AMD1: variants seen among roughly 807,000 people sequenced by gnomAD.
AMD1 encodes the protein S-adenosylmethionine decarboxylase proenzyme.
A neutral mutation model predicts 40.2 loss-of-function variants in AMD1; 11 were observed. The observed-to-expected ratio is 0.27, with a 90% confidence interval of 0.17 to 0.45. AMD1 has a LOEUF of 0.45. Ranked by LOEUF, AMD1 falls within the 20% of genes least tolerant of loss-of-function variation. The pLI is 1.00. For synonymous variants in AMD1, 121 were observed against 130.8 expected (o/e 0.93, Z 0.51); for missense variants, 257 against 410.2 (o/e 0.63, Z 3.23).
At chr6:110,814,795 G>T in the AMD1 span, 48 of 687,590 alleles carry the variant, frequency 7.0e-5, no homozygotes, top group South Asian at 7.0e-4. Flanking sequence ...CTCGGACCGG[G>T]CTGCGCCGCG....
the AMD1 span, among the ~76,000 whole-genome samples, chr6:110,839,426 A>G: frequency 6.6e-6 from 1 of 152,140 alleles, no homozygotes; most frequent in Non-Finnish European, 1.5e-5. Context: ...GCTTTTCCCC[A>G]TAAACTAAGC....
At chr6:110,816,320 T>C in the AMD1 span, among the ~76,000 whole-genome samples, 178 of 152,316 alleles carry the variant, frequency 1.2e-3, no homozygotes, top group Non-Finnish European at 2.0e-3. Flanking sequence ...CTATGCATGA[T>C]GTGAGGTTCT....
the AMD1 span, among the ~76,000 whole-genome samples, chr6:110,820,339 C>T: frequency 6.6e-6 from 1 of 151,326 alleles, no homozygotes; most frequent in African/African-American, 2.4e-5. Context: ...CAGGTTCAAG[C>T]GATTCTCCTG....
the AMD1 span, chr6:110,864,527 G>A: frequency 3.3e-5 from 5 of 152,504 alleles, no homozygotes; most frequent in African/African-American, 4.8e-5. Flanking sequence ...ATCTTACTAT[G>A]AGCAGTAAAC....
chr6:110,843,802 G>T, the AMD1 span, among the ~76,000 whole-genome samples: 1 of 151,976 alleles, frequency 6.6e-6, no homozygotes, highest in Non-Finnish European at 1.5e-5. Context: ...TTGCCATGCT[G>T]GTCTCAAACT....
At chr6:110,828,063 A>G in the AMD1 span, among the ~76,000 whole-genome samples, 7 of 152,240 alleles carry the variant, frequency 4.6e-5, no homozygotes, top group African/African-American at 1.7e-4. Flanking sequence ...AGCTGATGTT[A>G]ATTTCACAGA....
intron 1 of AMD1, among the ~76,000 whole-genome samples, chr6:110,878,237 G>A (rs901408215): frequency 3.9e-5 from 6 of 152,020 alleles, no homozygotes; most frequent in African/African-American, 7.2e-5. Flanking sequence ...TCTCCTACAC[G>A]ATATTTACCT....
chr6:110,818,278 AT>A, the AMD1 span, among the ~76,000 whole-genome samples: 2 of 152,138 alleles, frequency 1.3e-5, no homozygotes, highest in African/African-American at 2.4e-5. Flanking sequence ...TTGCAAGTAG[AT>A]TTTTAAAGGC....
chr6:110,839,960 C>G, the AMD1 span, among the ~76,000 whole-genome samples: 2 of 151,322 alleles, frequency 1.3e-5, no homozygotes, highest in African/African-American at 4.9e-5. Flanking sequence ...TAATTAATAT[C>G]ACCCCCATAT....
the AMD1 span, among the ~76,000 whole-genome samples, chr6:110,820,879 A>G: frequency 6.6e-6 from 1 of 152,160 alleles, no homozygotes; most frequent in Non-Finnish European, 1.5e-5. Context: ...AGATCGTGCC[A>G]CAGCACTCCA....
Position 110,875,153 on chromosome 6 carries a change from T to C in AMD1, c.48T>C (p.Val16=). The change falls in exon 1 of 9, where the codon GTT becomes GTC. Residue 16 remains valine, a synonymous_variant. Transcript: ENST00000368885. ...FFEGTEKLLE[V]WFSRQQPDAN... ...AAGGGACCGAGAAGCTGCTGGAGGT[T>C]TGGTTCTCCCGGCAGCAGCCCGACG... 1 of 1,613,394 alleles carries C rather than the reference T, an allele frequency of 6.2e-7. No homozygotes were observed. Among genetic ancestry groups the C allele is most frequent in the East Asian group, 2.2e-5 (1 of 44,820 alleles).
At chr6:110,838,693 T>G in the AMD1 span, among the ~76,000 whole-genome samples, 26 of 152,164 alleles carry the variant, frequency 1.7e-4, no homozygotes, top group African/African-American at 6.3e-4. Context: ...ACCCTGACTC[T>G]ACTGAAAATA....
chr6:110,825,247 G>T, the AMD1 span, among the ~76,000 whole-genome samples: 1 of 152,108 alleles, frequency 6.6e-6, no homozygotes, highest in African/African-American at 2.4e-5. Context: ...ATATGAATGT[G>T]GTCCTCTTTC....
At chr6:110,892,471 T>A in intron 6 of AMD1, 28 bp downstream of exon 6, 1 of 1,610,036 alleles carries the variant, frequency 6.2e-7, no homozygotes, top group South Asian at 1.1e-5. Context: ...TAATTGTTGC[T>A]GGACTCTTCT....
At chr6:110,827,983 T>A in the AMD1 span, among the ~76,000 whole-genome samples, 45 of 152,290 alleles carry the variant, frequency 3.0e-4, no homozygotes, top group East Asian at 5.0e-3. Flanking sequence ...TTGAATGTCT[T>A]CAAATGTATA....
At chr6:110,888,752 A>G in intron 2 of AMD1, 105 bp from the exon 3 acceptor site, 1 of 1,173,582 alleles carries the variant, frequency 8.5e-7, no homozygotes, top group Non-Finnish European at 1.2e-6. Context: ...AGATCCTAAT[A>G]TTTAAAAGTA....
intron 4 of AMD1, 52 bp downstream of exon 4, chr6:110,890,408 A>G (rs1309704225): frequency 1.6e-6 from 2 of 1,258,660 alleles, no homozygotes; most frequent in Non-Finnish European, 2.3e-6. Context: ...TAGAAAGTGC[A>G]ACCTCAGAGA....
intron 1 of AMD1, among the ~76,000 whole-genome samples, chr6:110,882,701 AG>A (rs1785475576): frequency 6.6e-6 from 1 of 152,160 alleles, no homozygotes; most frequent in Non-Finnish European, 1.5e-5. Context: ...TGTTTGTCCT[AG>A]GTTGCTTAAA....
At chr6:110,854,545 T>C in the AMD1 span, among the ~76,000 whole-genome samples, 1 of 151,798 alleles carries the variant, frequency 6.6e-6, no homozygotes, top group African/African-American at 2.4e-5. Flanking sequence ...GCCTCCCGGG[T>C]TCAAACGATT....
Sources: allele counts gnomAD v4.1 joint callset (sites outside exome capture counted in the v4.1 genomes callset), GRCh38; gene constraint gnomAD v4.1.1; transcripts MANE v1.5; gene names NCBI Gene and HGNC (gene_info 2026-07-23, HGNC 2026-07-21).